Variants in LRRIQ3 observed in about 807,000 individuals in gnomAD.
The protein encoded by LRRIQ3 is leucine-rich repeat and IQ domain-containing protein 3.
A neutral mutation model predicts 59.3 loss-of-function variants in LRRIQ3; 75 were observed. The observed-to-expected ratio is 1.26, with a 90% CI of 1.05 to 1.53. The LOEUF is 1.53. Ranked by LOEUF, LRRIQ3 falls within the 40% of genes most tolerant of loss-of-function variation. The pLI is 0.00. For synonymous variants in LRRIQ3, 250 were observed against 231.3 expected (o/e 1.08, Z -0.73); for missense variants, 831 against 710.0 (o/e 1.17, Z -1.94).
intron 4 of LRRIQ3, among the ~76,000 whole-genome samples, chr1:74,153,988 T>G (rs566559473): frequency 6.6e-6 from 1 of 152,144 alleles, no homozygotes; most frequent in South Asian, 2.1e-4. Flanking sequence ...ACGCTTGTAA[T>G]CCCAGCACTT....
At chr1:74,056,568 C>A (rs1379550430) in intron 6 of LRRIQ3, among the ~76,000 whole-genome samples, 2 of 151,888 alleles carry the variant, frequency 1.3e-5, no homozygotes, top group African/African-American at 2.4e-5. Context: ...TTTAATACAC[C>A]AATAGTGAAC....
At chr1:74,165,266 A>T (rs1350226912) in intron 3 of LRRIQ3, among the ~76,000 whole-genome samples, 1 of 151,456 alleles carries the variant, frequency 6.6e-6, no homozygotes. Flanking sequence ...CTTTATTTTT[A>T]TTTTTTAAAT....
intron 3 of LRRIQ3, among the ~76,000 whole-genome samples, chr1:74,158,580 T>C (rs1379383578): frequency 6.6e-6 from 1 of 152,154 alleles, no homozygotes; most frequent in Admixed American, 6.5e-5. Context: ...TCAGTGTCTT[T>C]ATACAATATT....
At chr1:74,170,687 T>C (rs773668222) in intron 3 of LRRIQ3, among the ~76,000 whole-genome samples, 36 of 152,164 alleles carry the variant, frequency 2.4e-4, no homozygotes, top group African/African-American at 8.4e-4. Flanking sequence ...ATATTAATTT[T>C]AGGATTTTTT....
intron 6 of LRRIQ3, among the ~76,000 whole-genome samples, chr1:74,056,396 G>A (rs891184514): frequency 6.6e-6 from 1 of 151,920 alleles, no homozygotes; most frequent in Non-Finnish European, 1.5e-5. Context: ...AGGGAAAATA[G>A]GGATCCAAAT....
chr1:74,109,351 TTAAA>T, intron 5 of LRRIQ3, 39 bp downstream of exon 5: 1 of 1,299,698 alleles, frequency 7.7e-7, no homozygotes, highest in Non-Finnish European at 1.1e-6. Flanking sequence ...CTTTAATATC[TTAAA>T]TACATTTCAA....
At chr1:74,104,801 G>A (rs1050905681) in intron 5 of LRRIQ3, among the ~76,000 whole-genome samples, 60 of 152,014 alleles carry the variant, frequency 3.9e-4, no homozygotes, top group African/African-American at 1.4e-3. Context: ...ACAATGAACC[G>A]CAATGGAAAC....
At chr1:74,027,662 G>C (rs971039254) in intron 7 of LRRIQ3, among the ~76,000 whole-genome samples, 2 of 152,070 alleles carry the variant, frequency 1.3e-5, no homozygotes, top group African/African-American at 4.8e-5. Context: ...GGCAGTCCTA[G>C]TAGACTAATA....
intron 4 of LRRIQ3, among the ~76,000 whole-genome samples, chr1:74,149,404 TTG>T (rs1393969347): frequency 2.6e-5 from 4 of 152,140 alleles, no homozygotes; most frequent in East Asian, 3.9e-4. Flanking sequence ...AGCTTGAAAA[TTG>T]TGTTTCTTCA....
chr1:74,185,090 C>T (rs1381870820), intron 1 of LRRIQ3, among the ~76,000 whole-genome samples: 2 of 152,176 alleles, frequency 1.3e-5, no homozygotes, highest in African/African-American at 4.8e-5. Context: ...CAACTTTACA[C>T]AATTATGAAT....
At chr1:74,125,883 T>C (rs1003618860) in intron 4 of LRRIQ3, among the ~76,000 whole-genome samples, 10 of 151,808 alleles carry the variant, frequency 6.6e-5, no homozygotes, top group African/African-American at 2.4e-4. Flanking sequence ...AGATTGGAAG[T>C]ATTCCTTACT....
intron 5 of LRRIQ3, among the ~76,000 whole-genome samples, chr1:74,092,525 AC>A (rs1214577327): frequency 6.6e-6 from 1 of 151,996 alleles, no homozygotes; most frequent in East Asian, 1.9e-4. Flanking sequence ...AAACATTTTC[AC>A]TTTGGAAGGC....
rs1467254255 is a variant in LRRIQ3 at position 74,182,856 on chromosome 1, C to T, written c.255G>A (p.Lys85=). 3 of 1,438,372 alleles carry T rather than the reference C, an allele frequency of 2.1e-6. No homozygotes were observed. The highest frequency in any genetic ancestry group is 1.8e-6 in the Non-Finnish European group (2 of 1,081,290). The allele number at this position is 1,438,372 out of a possible 1,614,324, so 89.1% of individuals were successfully genotyped here. A position where few individuals can be genotyped will look rare whatever the true frequency, so the allele number is the denominator to read the frequency against. Residue 85 remains lysine (K), a synonymous_variant, in exon 3 of 8, where the codon AAG becomes AAA. Coordinates refer to ENST00000354431, the MANE Select transcript of LRRIQ3 (RefSeq NM_001105659.2). ...IKLDLHGNQI[K]SLPNTKFWNG... ...TCCAAAATTTGGTATTTGGTAGACTCTTTATCTGAAATATTATTAAAAATC... is the reference window on the plus strand; with the variant it reads ...TCCAAAATTTGGTATTTGGTAGACTTTTTATCTGAAATATTATTAAAAATC...
At chr1:74,160,448 A>G (rs926784454) in intron 3 of LRRIQ3, among the ~76,000 whole-genome samples, 2 of 152,132 alleles carry the variant, frequency 1.3e-5, no homozygotes, top group Non-Finnish European at 2.9e-5. Flanking sequence ...TAAAGAAAAT[A>G]TATGTACTTT....
chr1:74,041,685 T>G lies in LRRIQ3; in HGVS notation c.1246A>C (p.Lys416Gln). The change falls in exon 7 of 8, where the codon AAA (lysine) becomes CAA (glutamine). Residue 416 changes from lysine to glutamine, a missense_variant. Coordinates refer to ENST00000354431, the MANE Select transcript of LRRIQ3 (RefSeq NM_001105659.2). ...EFFAPQRAGM[K>Q]LRTFSDIDKY... ...TCAATATCACTAAATGTTCGGAGTT[T>G]CATACCAGCTCTTTGTGGTGCAAAA... The G allele has an allele frequency of 1.9e-6, 3 of 1,613,668 alleles. No homozygotes were observed. The East Asian group carries it at 6.7e-5, about 36-fold the overall frequency.
intron 4 of LRRIQ3, among the ~76,000 whole-genome samples, chr1:74,139,499 C>T (rs1647193856): frequency 6.6e-6 from 1 of 151,738 alleles, no homozygotes; most frequent in South Asian, 2.1e-4. Context: ...TTATCTGATC[C>T]CTACATCTAT....
rs1360976440 is a variant in LRRIQ3 at position 74,198,072 on chromosome 1, G to C, written c.-77C>G. On this transcript the variant is annotated 5_prime_UTR_variant, in exon 1 of 8. Coordinates refer to ENST00000354431, the MANE Select transcript of LRRIQ3 (RefSeq NM_001105659.2). ...CCAACACAGTCAGACAAATCGCTGG[G>C]CGGCCATCTGCTCCTGAGACCGTTG... 5 of 1,064,146 alleles carry C rather than the reference G, an allele frequency of 4.7e-6. No homozygotes were observed. Among genetic ancestry groups the C allele is most frequent in the Non-Finnish European group, 6.5e-6 (5 of 768,406 alleles). The allele number at this position is 1,064,146 out of a possible 1,614,324, so 65.9% of individuals were successfully genotyped here.
At chr1:74,086,300 A>G (rs1646326938) in intron 5 of LRRIQ3, among the ~76,000 whole-genome samples, 1 of 152,084 alleles carries the variant, frequency 6.6e-6, no homozygotes, top group Non-Finnish European at 1.5e-5. Context: ...TCTTAAGACA[A>G]TACTTCAGCA....
At chr1:74,054,633 T>C (rs1390132466) in intron 6 of LRRIQ3, among the ~76,000 whole-genome samples, 1 of 151,710 alleles carries the variant, frequency 6.6e-6, no homozygotes, top group Non-Finnish European at 1.5e-5. Context: ...GTTCTGCGTA[T>C]ATTGAAACAG....
Sources: allele counts gnomAD v4.1 joint callset (sites outside exome capture counted in the v4.1 genomes callset), GRCh38; gene constraint gnomAD v4.1.1; transcripts MANE v1.5; gene names NCBI Gene and HGNC (gene_info 2026-07-23, HGNC 2026-07-21).